PIP4K2A: variants seen among roughly 807,000 people sequenced by gnomAD.
PIP4K2A encodes the protein phosphatidylinositol 5-phosphate 4-kinase type-2 alpha.
A neutral mutation model predicts 42.9 loss-of-function variants in PIP4K2A; 14 were observed. That is an observed-to-expected ratio of 0.33 (90% confidence interval 0.22 to 0.51). The LOEUF (loss-of-function observed/expected upper bound fraction) is 0.51. Among genes scored for constraint, PIP4K2A ranks in the 20% least tolerant of loss-of-function variants. The probability of loss-of-function intolerance (pLI) is 0.97; values close to 1 mark genes in which losing one functional copy is unlikely to be tolerated. For synonymous variants in PIP4K2A, 192 were observed against 192.2 expected (o/e 1.00, Z 0.01); for missense variants, 434 against 519.8 (o/e 0.83, Z 1.61).
rs748353872 is a variant in PIP4K2A at position 22,576,376 on chromosome 10, T to G, written c.493-2919A>C. Among the ~76,000 whole-genome samples, 5 of 152,310 alleles carry G rather than the reference T, an allele frequency of 3.3e-5. No individual in the cohort carries two copies. The South Asian group carries it at 1.0e-3, about 32-fold the overall frequency. On this transcript the variant is annotated intron_variant, in intron 4 of 9. Transcript: ENST00000376573. Reference sequence around the variant, plus strand: ...TGAGAATCCTGGTGGATTCTCCCAGTTGACCCAGAGAATGCTGAGCACAAA... The same window carrying G: ...TGAGAATCCTGGTGGATTCTCCCAGGTGACCCAGAGAATGCTGAGCACAAA...
At chr10:22,712,460 T>C (rs1833927018) in intron 1 of PIP4K2A, among the ~76,000 whole-genome samples, 1 of 152,136 alleles carries the variant, frequency 6.6e-6, no homozygotes, top group East Asian at 1.9e-4. Flanking sequence ...AAAAGCACCA[T>C]AAATATGAGT....
In PIP4K2A at chr10:22,541,923, C is replaced by G. The variant is rs770594227; in HGVS notation, c.917G>C (p.Gly306Ala). The G allele has an allele frequency of 3.2e-5, 51 of 1,613,904 alleles. No individual in the cohort carries two copies. Among genetic ancestry groups the G allele is most frequent in the Non-Finnish European group, 4.3e-5 (51 of 1,179,972 alleles). ...TGGGGGGGTTCCCACCGGGTGGGTG[C>G]CATCGCTCTCGCCCTCCTCCTCCCC... ...NDGEEEGESD[G>A]THPVGTPPDS... Residue 306 changes from glycine to alanine, a missense_variant, in exon 8 of 10, where the codon GGC becomes GCC. Gly to Ala is a moderately conservative substitution (Grantham distance 60, BLOSUM62 0). This residue lies in a region of PIP4K2A where 395 missense variants were observed against 444.5 expected (regional missense o/e 0.89). Coordinates refer to ENST00000376573, the MANE Select transcript of PIP4K2A (RefSeq NM_005028.5).
intron 1 of PIP4K2A, among the ~76,000 whole-genome samples, chr10:22,636,683 A>C (rs1338848115): frequency 1.3e-5 from 2 of 152,242 alleles, no homozygotes; most frequent in Non-Finnish European, 2.9e-5. Context: ...TCTGTAGTAC[A>C]GACTTTCAAA....
chr10:22,547,045 A>G (rs1415757427), intron 7 of PIP4K2A, among the ~76,000 whole-genome samples: 3 of 152,096 alleles, frequency 2.0e-5, no homozygotes, highest in Admixed American at 6.5e-5. Context: ...TTCCTTACTA[A>G]TTGAGTCCTT....
At chr10:22,707,661 G>A (rs1365910305) in intron 1 of PIP4K2A, among the ~76,000 whole-genome samples, 3 of 152,156 alleles carry the variant, frequency 2.0e-5, no homozygotes, top group African/African-American at 7.2e-5. Flanking sequence ...TAACGGTACC[G>A]TTGTGAATCC....
chr10:22,645,674 A>G (rs1355042104), intron 1 of PIP4K2A, among the ~76,000 whole-genome samples: 4 of 151,756 alleles, frequency 2.6e-5, no homozygotes, highest in Non-Finnish European at 5.9e-5. Flanking sequence ...AAAAACATGA[A>G]GATAGTACTT....
At chr10:22,649,633 T>C in intron 1 of PIP4K2A, among the ~76,000 whole-genome samples, 1 of 152,236 alleles carries the variant, frequency 6.6e-6, no homozygotes, top group South Asian at 2.1e-4. Flanking sequence ...CGCAGGCTCA[T>C]GGTTAACCCG....
intron 1 of PIP4K2A, among the ~76,000 whole-genome samples, chr10:22,704,825 T>C (rs1833788223): frequency 6.6e-6 from 1 of 152,194 alleles, no homozygotes; most frequent in African/African-American, 2.4e-5. Context: ...ATCGTCTATA[T>C]CTGCACTGTT....
intron 4 of PIP4K2A, among the ~76,000 whole-genome samples, chr10:22,587,973 A>C (rs1248373021): frequency 1.3e-5 from 2 of 152,216 alleles, no homozygotes; most frequent in African/African-American, 4.8e-5. Flanking sequence ...ATAGATCAGT[A>C]TCAAATAAGC....
intron 1 of PIP4K2A, among the ~76,000 whole-genome samples, chr10:22,642,531 A>G (rs940532419): frequency 1.3e-5 from 2 of 152,044 alleles, no homozygotes; most frequent in South Asian, 2.1e-4. Flanking sequence ...AGGAGTATCT[A>G]TAACAGTGTA....
At chr10:22,563,262 A>C (rs1478857013) in intron 6 of PIP4K2A, among the ~76,000 whole-genome samples, 1 of 152,222 alleles carries the variant, frequency 6.6e-6, no homozygotes, top group African/African-American at 2.4e-5. Context: ...CACAAAAAGA[A>C]GGCTAGGGCA....
intron 1 of PIP4K2A, among the ~76,000 whole-genome samples, chr10:22,683,043 AAAAAG>A (rs1268917371): frequency 7.4e-5 from 11 of 149,630 alleles, no homozygotes; most frequent in Admixed American, 3.3e-4. Context: ...TTCTGAAGCC[AAAAAG>A]AAAAGAAAAA....
chr10:22,617,065 C>T (rs1230865562), intron 1 of PIP4K2A, among the ~76,000 whole-genome samples: 1 of 152,166 alleles, frequency 6.6e-6, no homozygotes, highest in Admixed American at 6.5e-5. Flanking sequence ...TACTATATAG[C>T]CCAACTCAGA....
intron 6 of PIP4K2A, among the ~76,000 whole-genome samples, 169 bp from the exon 7 acceptor site, chr10:22,550,941 A>G (rs1409108698): frequency 6.6e-6 from 1 of 152,090 alleles, no homozygotes; most frequent in Non-Finnish European, 1.5e-5. Flanking sequence ...CTTGAATACC[A>G]CCGGGGGGCG....
chr10:22,700,205 G>A (rs1225753221), intron 1 of PIP4K2A, among the ~76,000 whole-genome samples: 1 of 152,180 alleles, frequency 6.6e-6, no homozygotes, highest in Non-Finnish European at 1.5e-5. Flanking sequence ...CTGATACTTG[G>A]AGGCAGTGGC....
At chr10:22,600,254 G>A (rs1352443048) in intron 3 of PIP4K2A, among the ~76,000 whole-genome samples, 1 of 151,458 alleles carries the variant, frequency 6.6e-6, no homozygotes, top group East Asian at 1.9e-4. Context: ...AATCATGTAT[G>A]AAAAGTTTTC....
At chr10:22,692,268 A>G (rs377258290) in intron 1 of PIP4K2A, among the ~76,000 whole-genome samples, 9 of 152,100 alleles carry the variant, frequency 5.9e-5, no homozygotes, top group African/African-American at 2.2e-4. Context: ...TCCTATGAGA[A>G]TCTAATGCTG....
intron 4 of PIP4K2A, among the ~76,000 whole-genome samples, chr10:22,587,877 C>T (rs928958963): frequency 2.0e-5 from 3 of 152,240 alleles, no homozygotes; most frequent in Middle Eastern, 3.2e-3. Context: ...TTTGACTCGG[C>T]GGACTGCATC....
At chr10:22,551,372 T>C (rs749900715) in intron 6 of PIP4K2A, among the ~76,000 whole-genome samples, 4 of 151,944 alleles carry the variant, frequency 2.6e-5, no homozygotes, top group Non-Finnish European at 4.4e-5. Flanking sequence ...TTGGACAATA[T>C]CAAAGAAAAA....
Sources: gnomAD v4.1 joint callset for allele counts (sites outside exome capture counted in the v4.1 genomes callset) on GRCh38, gnomAD v4.1.1 for gene constraint, gnomAD v4.1.1 regional missense constraint, MANE v1.5 for transcripts, NCBI Gene and HGNC (gene_info 2026-07-23, HGNC 2026-07-21) for gene names.